Variants in NFIA observed in about 807,000 individuals in gnomAD.
NFIA encodes nuclear factor I A, also known as nuclear factor 1 A-type.
Under a neutral mutation model 62.8 loss-of-function variants are expected in NFIA, and 8 were observed. The ratio of observed to expected loss-of-function variants is 0.13; its 90% CI spans 0.07 to 0.23. NFIA has a LOEUF of 0.23. Ranked by LOEUF, NFIA falls within the 10% of genes least tolerant of loss-of-function variation. The pLI is 1.00. For missense variants in NFIA, 410 were observed against 642.1 expected, an observed-to-expected ratio of 0.64 and a Z score of 3.91; for synonymous variants, 235 against 238.1, an observed-to-expected ratio of 0.99 and a Z score of 0.12.
At chr1:61,307,126 A>G (rs1478999547) in intron 3 of NFIA, among the ~76,000 whole-genome samples, 3 of 152,170 alleles carry the variant, frequency 2.0e-5, no homozygotes, top group Non-Finnish European at 2.9e-5. Flanking sequence ...GGATTTTTGC[A>G]TTCTACAGCA....
intron 1 of NFIA, among the ~76,000 whole-genome samples, chr1:61,086,975 G>A (rs1210246838): frequency 6.6e-6 from 1 of 152,110 alleles, no homozygotes; most frequent in East Asian, 1.9e-4. Context: ...TTTTGGAGAG[G>A]GGGTTATGTG....
At chr1:61,285,478 G>C (rs1206815106) in intron 3 of NFIA, among the ~76,000 whole-genome samples, 1 of 152,170 alleles carries the variant, frequency 6.6e-6, no homozygotes, top group African/African-American at 2.4e-5. Flanking sequence ...GGGATTTGGA[G>C]TCACTAATCC....
intron 3 of NFIA, among the ~76,000 whole-genome samples, chr1:61,331,249 T>G (rs923806812): frequency 6.6e-6 from 1 of 152,142 alleles, no homozygotes; most frequent in Non-Finnish European, 1.5e-5. Context: ...TAACTGAAAT[T>G]TAAAAAAATC....
At chr1:61,182,910 C>A (rs1650852008) in intron 2 of NFIA, among the ~76,000 whole-genome samples, 1 of 152,192 alleles carries the variant, frequency 6.6e-6, no homozygotes, top group Non-Finnish European at 1.5e-5. Flanking sequence ...ATATTGAAAA[C>A]CATGAAAAGG....
intron 6 of NFIA, among the ~76,000 whole-genome samples, chr1:61,364,291 C>T (rs1172782289): frequency 6.6e-6 from 1 of 152,150 alleles, no homozygotes; most frequent in African/African-American, 2.4e-5. Flanking sequence ...AGAATATATA[C>T]TTCATGAACA....
chr1:61,204,264 T>A (rs1378046095), intron 2 of NFIA, among the ~76,000 whole-genome samples: 3 of 152,216 alleles, frequency 2.0e-5, no homozygotes, highest in African/African-American at 7.2e-5. Context: ...GGAATTAAAC[T>A]TGGGTTTTGA....
At chr1:61,254,205 C>T (rs1020646192) in intron 2 of NFIA, among the ~76,000 whole-genome samples, 1 of 152,222 alleles carries the variant, frequency 6.6e-6, no homozygotes, top group African/African-American at 2.4e-5. Flanking sequence ...AAGTTTATAG[C>T]AGTTGTCTGT....
chr1:61,153,574 G>A (rs1648576830), intron 2 of NFIA, among the ~76,000 whole-genome samples: 1 of 152,218 alleles, frequency 6.6e-6, no homozygotes, highest in Non-Finnish European at 1.5e-5. Flanking sequence ...GCCATCAACA[G>A]TATGAATATA....
chr1:61,438,774 C>T (rs1164744165), intron 10 of NFIA, among the ~76,000 whole-genome samples: 13 of 151,896 alleles, frequency 8.6e-5, no homozygotes, highest in Admixed American at 8.5e-4. Context: ...AGTGCAAAAA[C>T]AAGTTGTGAA....
Position 61,458,099 on chromosome 1 carries a change from T to C in NFIA, c.*2779T>C, listed in dbSNP as rs1668383932. The C allele has an allele frequency of 2.0e-5, 3 of 151,936 alleles. No homozygotes were observed. The South Asian group carries it at 6.2e-4, about 32-fold the overall frequency. The allele number at this position is 151,936 out of a possible 1,614,324, so 9.4% of individuals were successfully genotyped here. A position where few individuals can be genotyped will look rare whatever the true frequency, so the allele number is the denominator to read the frequency against. On this transcript the variant is annotated 3_prime_UTR_variant, in exon 11 of 11. Transcript: ENST00000403491. ...GTTGTATGGTGTGATTGTCAGTGTA[T>C]GGTGTCACTTCCTATAGCCAGCCAG...
chr1:61,263,592 T>C (rs958609420), intron 2 of NFIA, among the ~76,000 whole-genome samples: 1 of 152,238 alleles, frequency 6.6e-6, no homozygotes, highest in Non-Finnish European at 1.5e-5. Flanking sequence ...AGCCATTACC[T>C]ATTCATAGGA....
At chr1:61,180,118 T>A (rs555350342) in intron 2 of NFIA, among the ~76,000 whole-genome samples, 1 of 152,296 alleles carries the variant, frequency 6.6e-6, no homozygotes, top group East Asian at 1.9e-4. Context: ...GGCAGGTGGA[T>A]GCCCCTGATT....
At chr1:61,100,923 C>G (rs1646496633) in intron 2 of NFIA, among the ~76,000 whole-genome samples, 1 of 151,504 alleles carries the variant, frequency 6.6e-6, no homozygotes, top group African/African-American at 2.4e-5. Flanking sequence ...ATTTGTAGAA[C>G]CAGTTGTTAA....
intron 2 of NFIA, among the ~76,000 whole-genome samples, chr1:61,231,811 G>C (rs1382710855): frequency 6.6e-6 from 1 of 151,954 alleles, no homozygotes; most frequent in African/African-American, 2.4e-5. Flanking sequence ...CTGTACTCCA[G>C]CCTGGGTAAC....
intron 7 of NFIA, among the ~76,000 whole-genome samples, chr1:61,401,883 C>T (rs1015759051): frequency 2.8e-4 from 43 of 152,216 alleles, no homozygotes; most frequent in Admixed American, 7.2e-4. Flanking sequence ...GAAAAAATTC[C>T]TTTGATTCTT....
chr1:61,313,125 A>G (rs1379324894), intron 3 of NFIA, among the ~76,000 whole-genome samples: 1 of 152,184 alleles, frequency 6.6e-6, no homozygotes, highest in African/African-American at 2.4e-5. Flanking sequence ...AGCGGTGACA[A>G]ATTGTATTCA....
intron 3 of NFIA, among the ~76,000 whole-genome samples, chr1:61,288,725 C>T (rs1658670727): frequency 6.6e-6 from 1 of 152,074 alleles, no homozygotes; most frequent in Non-Finnish European, 1.5e-5. Context: ...TTTTAGGCTG[C>T]AGTACAGTTC....
intron 2 of NFIA, among the ~76,000 whole-genome samples, chr1:61,162,124 G>A (rs1433920129): frequency 6.6e-6 from 1 of 152,026 alleles, no homozygotes; most frequent in Non-Finnish European, 1.5e-5. Flanking sequence ...ATTTTTTTAA[G>A]TTGAAAAGTA....
intron 10 of NFIA, among the ~76,000 whole-genome samples, chr1:61,434,902 T>G (rs1044913678): frequency 5.2e-4 from 79 of 152,194 alleles, no homozygotes; most frequent in African/African-American, 1.9e-3. Flanking sequence ...AAATTAGCAC[T>G]TGGAACTGTG....
Sources: gnomAD v4.1 joint callset for allele counts (sites outside exome capture counted in the v4.1 genomes callset) on GRCh38, gnomAD v4.1.1 for gene constraint, MANE v1.5 for transcripts, NCBI Gene and HGNC (gene_info 2026-07-23, HGNC 2026-07-21) for gene names.